The following RPRD1A variants were observed in gnomAD, a reference collection of about 807,000 sequenced individuals.
RPRD1A encodes the protein regulation of nuclear pre-mRNA domain containing 1A, also known as regulation of nuclear pre-mRNA domain-containing protein 1A.
In RPRD1A, 9 loss-of-function variants were observed where a neutral mutation model predicts 37.8. That is an observed-to-expected ratio of 0.24 (90% CI 0.14 to 0.42). The LOEUF (loss-of-function observed/expected upper bound fraction) is 0.42. Ranked by LOEUF, RPRD1A falls within the 10% of genes least tolerant of loss-of-function variation. RPRD1A has a pLI of 1.00. For missense variants in RPRD1A, 255 were observed against 371.0 expected, an observed-to-expected ratio of 0.69 and a Z score of 2.57; for synonymous variants, 138 against 139.7, an observed-to-expected ratio of 0.99 and a Z score of 0.08.
At chr18:36,014,665 C>G (rs954496896) in intron 6 of RPRD1A, among the ~76,000 whole-genome samples, 1 of 152,150 alleles carries the variant, frequency 6.6e-6, no homozygotes, top group African/African-American at 2.4e-5. Flanking sequence ...ATGGCGTGAA[C>G]CTGGGAGGCA....
chr18:36,041,346 T>A (rs1484213322), intron 1 of RPRD1A, among the ~76,000 whole-genome samples: 1 of 152,162 alleles, frequency 6.6e-6, no homozygotes, highest in East Asian at 1.9e-4. Context: ...TTCTTTGGTA[T>A]CCTCATGCTA....
At chr18:36,002,344 T>C (rs1037346966) in intron 6 of RPRD1A, among the ~76,000 whole-genome samples, 18 of 152,194 alleles carry the variant, frequency 1.2e-4, no homozygotes, top group Admixed American at 2.6e-4. Context: ...GAAGTTTCTA[T>C]AGACCTAGTC....
chr18:36,027,355 C>G, intron 4 of RPRD1A, 45 bp from the exon 5 acceptor site: 1 of 1,605,452 alleles, frequency 6.2e-7, no homozygotes, highest in Non-Finnish European at 8.5e-7. Context: ...TGAGCTTAAA[C>G]AAGTGCAAAA....
At chr18:35,996,082 T>C (rs117411501) in intron 6 of RPRD1A, among the ~76,000 whole-genome samples, 1,637 of 152,230 alleles carry the variant, frequency 0.011, 14 homozygotes, top group Non-Finnish European at 0.018. Context: ...AGGTAAAAAT[T>C]AAGAAAATCT....
chr18:36,013,103 A>G (rs952499869), intron 6 of RPRD1A, among the ~76,000 whole-genome samples: 21 of 152,176 alleles, frequency 1.4e-4, no homozygotes, highest in African/African-American at 5.1e-4. Flanking sequence ...TGACTCAGCA[A>G]ATTCTGGCAC....
intron 1 of RPRD1A, among the ~76,000 whole-genome samples, chr18:36,051,667 A>G (rs891322567): frequency 6.6e-6 from 1 of 152,234 alleles, no homozygotes; most frequent in Non-Finnish European, 1.5e-5. Flanking sequence ...CAGTCCTCCA[A>G]TAATAAGAAA....
intron 6 of RPRD1A, among the ~76,000 whole-genome samples, chr18:36,015,609 G>A (rs1377202987): frequency 6.6e-6 from 1 of 152,174 alleles, no homozygotes. Context: ...AACATGCAGT[G>A]TATACATTCA....
At chr18:36,062,582 C>T (rs556416928) in intron 1 of RPRD1A, among the ~76,000 whole-genome samples, 5 of 152,138 alleles carry the variant, frequency 3.3e-5, no homozygotes, top group Non-Finnish European at 5.9e-5. Flanking sequence ...ATATTCTATT[C>T]GGCCATAGAA....
chr18:36,008,784 T>C (rs1248145575), intron 6 of RPRD1A, among the ~76,000 whole-genome samples: 1 of 151,642 alleles, frequency 6.6e-6, no homozygotes, highest in African/African-American at 2.4e-5. Context: ...ATCAGCACAA[T>C]TTCAGTTTTC....
intron 6 of RPRD1A, 63 bp downstream of exon 6, chr18:36,026,837 T>C: frequency 2.0e-6 from 3 of 1,472,630 alleles, no homozygotes; most frequent in Non-Finnish European, 1.8e-6. Flanking sequence ...TTAAAATATT[T>C]TAAAATTCCT....
intron 6 of RPRD1A, among the ~76,000 whole-genome samples, chr18:36,004,000 CTTTTTTTTTTT>C (rs34397005): frequency 3.2e-4 from 27 of 85,190 alleles, no homozygotes; most frequent in African/African-American, 1.3e-3. Flanking sequence ...CAGACACAGA[CTTTTTTTTTTT>C]TTTTTTTTTT....
intron 1 of RPRD1A, among the ~76,000 whole-genome samples, chr18:36,042,111 C>T (rs570202346): frequency 1.4e-4 from 22 of 152,296 alleles, no homozygotes; most frequent in African/African-American, 4.6e-4. Flanking sequence ...CCACCATTTA[C>T]ACTACTCTTT....
At chr18:36,005,049 C>T (rs1174671250) in intron 6 of RPRD1A, among the ~76,000 whole-genome samples, 2 of 152,242 alleles carry the variant, frequency 1.3e-5, no homozygotes, top group Non-Finnish European at 2.9e-5. Flanking sequence ...CGCCTGTAAT[C>T]CCAGCGTTTT....
chr18:36,035,773 ATGT>A (rs1912146542), intron 1 of RPRD1A, among the ~76,000 whole-genome samples: 1 of 152,226 alleles, frequency 6.6e-6, no homozygotes, highest in African/African-American at 2.4e-5. Flanking sequence ...GAAGAAGGAA[ATGT>A]TGACGCATGT....
Position 35,993,102 on chromosome 18 carries a change from C to T in RPRD1A, c.*49G>A. ...AACACTACAGGACTATCCACCTAAC[C>T]TGTCTCCATCTCTTGCAAAGTCCTG... is the stretch of plus-strand genomic sequence containing the variant. On this transcript the variant is annotated 3_prime_UTR_variant, in exon 7 of 7. Coordinates refer to ENST00000399022, the MANE Select transcript of RPRD1A (RefSeq NM_018170.5). 1 of 1,561,326 alleles carries T rather than the reference C, an allele frequency of 6.4e-7. No homozygotes were observed. The highest frequency in any genetic ancestry group is 8.7e-7 in the Non-Finnish European group (1 of 1,147,892).
chr18:36,067,540 C>T lies in RPRD1A; in HGVS notation c.-136G>A, dbSNP rs763076034. The T allele has an allele frequency of 3.3e-5, 28 of 854,208 alleles. No homozygotes were observed. The highest frequency in any genetic ancestry group is 4.6e-5 in the Non-Finnish European group (27 of 583,200). The allele number at this position is 854,208 out of a possible 1,614,324, so 52.9% of individuals were successfully genotyped here. A position where few individuals can be genotyped will look rare whatever the true frequency, so the allele number is the denominator to read the frequency against. ...CCACGGCCGCCGCTTCATCCAAGAC[C>T]GGCCGCAAACCAGCAAGATGGCGTC... On this transcript the variant is annotated 5_prime_UTR_variant, in exon 1 of 7. Coordinates refer to ENST00000399022, the MANE Select transcript of RPRD1A (RefSeq NM_018170.5).
Position 36,008,266 on chromosome 18 carries a change from C to T in RPRD1A, c.790-14966G>A, listed in dbSNP as rs182892293. Among the ~76,000 whole-genome samples, 172 of 151,976 alleles carry T rather than the reference C, an allele frequency of 1.1e-3. 2 individuals carry two copies. Among genetic ancestry groups the T allele is most frequent in the African/African-American group, 3.8e-3 (156 of 41,450 alleles). ...TATTCCTTGGGTGCTTAAAAAGCATCAATAACTGTAATTTTAAAAATTGTA... is the reference window on the plus strand; with the variant it reads ...TATTCCTTGGGTGCTTAAAAAGCATTAATAACTGTAATTTTAAAAATTGTA... On this transcript the variant is annotated intron_variant, in intron 6 of 6. Transcript: ENST00000399022.
chr18:36,050,367 A>C (rs971343861), intron 1 of RPRD1A, among the ~76,000 whole-genome samples: 6 of 152,130 alleles, frequency 3.9e-5, no homozygotes, highest in Non-Finnish European at 7.4e-5. Flanking sequence ...TATGTTGTTC[A>C]ATGGAAAACT....
At chr18:36,060,795 C>G (rs1453219090) in intron 1 of RPRD1A, among the ~76,000 whole-genome samples, 1 of 152,026 alleles carries the variant, frequency 6.6e-6, no homozygotes, top group African/African-American at 2.4e-5. Flanking sequence ...GGAGGAAAAT[C>G]TAAACCTTAA....
Sources: gnomAD v4.1 joint callset for allele counts (sites outside exome capture counted in the v4.1 genomes callset) on GRCh38, gnomAD v4.1.1 for gene constraint, MANE v1.5 for transcripts, NCBI Gene and HGNC (gene_info 2026-07-23, HGNC 2026-07-21) for gene names.